Variants in CYRIB observed in about 807,000 individuals in gnomAD.
CYRIB encodes CYFIP-related Rac1 interactor B.
In CYRIB, 8 loss-of-function variants were observed where a neutral mutation model predicts 44.2. The observed-to-expected ratio is 0.18, with a 90% CI of 0.11 to 0.33. The LOEUF (loss-of-function observed/expected upper bound fraction) is 0.33. Among genes scored for constraint, CYRIB ranks in the 10% least tolerant of loss-of-function variants. The probability of loss-of-function intolerance (pLI) is 1.00; values close to 1 mark genes in which losing one functional copy is unlikely to be tolerated. For synonymous variants in CYRIB, 131 were observed against 127.2 expected (o/e 1.03, Z -0.20); for missense variants, 185 against 382.8 (o/e 0.48, Z 4.31).
intron 2 of CYRIB, among the ~76,000 whole-genome samples, chr8:129,880,619 G>GT (rs1377633380): frequency 3.9e-4 from 60 of 152,176 alleles, no homozygotes; most frequent in Admixed American, 3.9e-3. Context: ...TTGGCTCTGA[G>GT]TTTATAGCTC....
At chr8:129,862,105 C>G in intron 5 of CYRIB, 124 bp downstream of exon 7, 1 of 663,142 alleles carries the variant, frequency 1.5e-6, no homozygotes, top group East Asian at 2.7e-5. Context: ...AACAAGCTTG[C>G]TTTACTTATA....
intron 1 of CYRIB, among the ~76,000 whole-genome samples, chr8:129,918,233 G>A (rs1170805277): frequency 2.0e-5 from 3 of 152,016 alleles, no homozygotes; most frequent in Non-Finnish European, 4.4e-5. Flanking sequence ...TATATAGCCA[G>A]GATTGCCCAA....
chr8:129,996,542 A>C (rs1023490165), intron 1 of CYRIB, among the ~76,000 whole-genome samples: 1 of 152,202 alleles, frequency 6.6e-6, no homozygotes, highest in Non-Finnish European at 1.5e-5. Flanking sequence ...GGGGAGACTC[A>C]AGGTAAGAAT....
intron 1 of CYRIB, among the ~76,000 whole-genome samples, chr8:129,930,254 C>G (rs1051860770): frequency 1.3e-5 from 2 of 149,680 alleles, no homozygotes; most frequent in Non-Finnish European, 3.0e-5. Context: ...TCATCTCTTA[C>G]TTATGAGACC....
chr8:129,963,378 T>A (rs1259057089), intron 2 of CYRIB, among the ~76,000 whole-genome samples: 3 of 152,364 alleles, frequency 2.0e-5, no homozygotes, highest in Middle Eastern at 3.4e-3. Context: ...GTATGCTGCA[T>A]GCTGGCTATA....
chr8:129,845,969 C>T lies in CYRIB; in HGVS notation c.911+835G>A, dbSNP rs113241502. Among the ~76,000 whole-genome samples the T allele has an allele frequency of 3.6e-3, 546 of 152,196 alleles. 5 individuals carry two copies. Among genetic ancestry groups the T allele is most frequent in the African/African-American group, 0.012 (512 of 41,516 alleles). On this transcript the variant is annotated intron_variant, in intron 11 of 11. Transcript: ENST00000519824. The stretch of plus-strand genomic sequence containing the variant: ...GACCAGCCTGGCCAACATGGTGAAA[C>T]GCTGTCTTTACTAAAAATACAAAAT...
chr8:129,903,317 G>C (rs1589227769), exon 2 of CYRIB: 1 of 152,492 alleles, frequency 6.6e-6, no homozygotes, highest in South Asian at 2.1e-4. Flanking sequence ...TTTACCTTCA[G>C]CCAGTGCTGG....
At position 129,954,521 on chromosome 8, in the gene CYRIB, C is replaced by T. The variant is rs560324610; in HGVS notation, c.-243+16422G>A. Among the ~76,000 whole-genome samples, 3 of 91,080 alleles carry T rather than the reference C, an allele frequency of 3.3e-5. No homozygotes were observed. The East Asian group carries it at 1.2e-3, about 37-fold the overall frequency. The allele number at this position is 91,080 out of a possible 152,430, so 59.8% of individuals were successfully genotyped here. ...TACGTGCTTGAGCCACTGCGCCTGG[C>T]CTAGTTTTTTAATTTAATAGGCTGC... is the stretch of plus-strand genomic sequence containing the variant. On this transcript the variant is annotated intron_variant, in intron 2 of 14. Transcript: ENST00000401979.
At chr8:129,983,432 A>C (rs1440252468) in intron 1 of CYRIB, among the ~76,000 whole-genome samples, 1 of 152,308 alleles carries the variant, frequency 6.6e-6, no homozygotes, top group East Asian at 1.9e-4. Flanking sequence ...GCGACAGAGC[A>C]AGACTCCATC....
At chr8:129,857,622 C>T (rs184433649) in intron 5 of CYRIB, among the ~76,000 whole-genome samples, 11 of 152,226 alleles carry the variant, frequency 7.2e-5, no homozygotes, top group African/African-American at 2.4e-4. Flanking sequence ...TTTTAAAATG[C>T]TACTTCATTT....
At chr8:129,946,268 G>T (rs2094135840) in intron 2 of CYRIB, among the ~76,000 whole-genome samples, 1 of 152,194 alleles carries the variant, frequency 6.6e-6, no homozygotes, top group Admixed American at 6.5e-5. Context: ...TTCACTCAAA[G>T]ACATCTTTCA....
chr8:129,991,962 A>AAAAC (rs2096645499), intron 1 of CYRIB, among the ~76,000 whole-genome samples: 1 of 148,536 alleles, frequency 6.7e-6, no homozygotes, highest in Non-Finnish European at 1.5e-5. Flanking sequence ...AAAAAAAAAA[A>AAAAC]AAAAAAAAAA....
At chr8:129,847,581 T>C (rs1315373518) in intron 10 of CYRIB, among the ~76,000 whole-genome samples, 1 of 152,160 alleles carries the variant, frequency 6.6e-6, no homozygotes, top group Non-Finnish European at 1.5e-5. Context: ...CAGATAGGAA[T>C]TTTTCAGCAC....
intron 1 of CYRIB, among the ~76,000 whole-genome samples, chr8:129,934,496 A>G (rs2092412654): frequency 6.6e-6 from 1 of 152,310 alleles, no homozygotes; most frequent in East Asian, 1.9e-4. Flanking sequence ...GCGGCAGGCC[A>G]GGTCTCACTA....
At chr8:129,997,391 T>C (rs559565632) in intron 1 of CYRIB, among the ~76,000 whole-genome samples, 13 of 152,204 alleles carry the variant, frequency 8.5e-5, no homozygotes, top group Admixed American at 2.0e-4. Flanking sequence ...AGGATTTGTG[T>C]TTATTCAGGG....
chr8:129,938,605 A>G (rs777541742), intron 1 of CYRIB, among the ~76,000 whole-genome samples: 1 of 152,236 alleles, frequency 6.6e-6, no homozygotes, highest in Non-Finnish European at 1.5e-5. Context: ...AGTATTCCGC[A>G]CATAGGGGTA....
intron 1 of CYRIB, among the ~76,000 whole-genome samples, chr8:129,904,109 T>C (rs896247356): frequency 2.0e-5 from 3 of 152,136 alleles, no homozygotes; most frequent in Admixed American, 6.6e-5. Context: ...TCAGAATGAG[T>C]ATAACTTTGC....
intron 2 of CYRIB, among the ~76,000 whole-genome samples, chr8:129,946,079 A>T (rs1049410984): frequency 1.3e-5 from 2 of 152,196 alleles, no homozygotes; most frequent in African/African-American, 4.8e-5. Context: ...GTCATTATTG[A>T]CTGTTAACTT....
intron 1 of CYRIB, among the ~76,000 whole-genome samples, chr8:130,009,053 GC>G (rs1334747160): frequency 1.3e-5 from 2 of 152,160 alleles, no homozygotes; most frequent in African/African-American, 2.4e-5. Context: ...TGACCTAAGA[GC>G]CACAACAAGC....
Sources: gnomAD v4.1 joint callset for allele counts (sites outside exome capture counted in the v4.1 genomes callset) on GRCh38, gnomAD v4.1.1 for gene constraint, MANE v1.5 for transcripts, NCBI Gene and HGNC (gene_info 2026-07-23, HGNC 2026-07-21) for gene names.